CAST: variants seen among roughly 807,000 people sequenced by gnomAD.
The protein encoded by CAST is calpastatin.
Under a neutral mutation model 119.6 loss-of-function variants are expected in CAST, and 76 were observed. That is an observed-to-expected ratio of 0.64 (90% CI 0.53 to 0.77). The LOEUF is 0.77. CAST is among the 30% of genes least tolerant of loss of function. The probability of loss-of-function intolerance (pLI) is 0.00; values close to 1 mark genes in which losing one functional copy is unlikely to be tolerated. For missense variants in CAST, 953 were observed against 946.5 expected (o/e 1.01, Z -0.09); for synonymous variants, 319 against 331.6 (o/e 0.96, Z 0.41).
At chr5:96,298,493 A>T in the CAST span, among the ~76,000 whole-genome samples, 1 of 152,204 alleles carries the variant, frequency 6.6e-6, no homozygotes, top group African/African-American at 2.4e-5. Context: ...AAGTAATTGT[A>T]CTTATTTCTG....
chr5:96,606,059 G>A lies in CAST; in HGVS notation c.61-69480G>A, dbSNP rs1391944708. Among the ~76,000 whole-genome samples the A allele has an allele frequency of 2.0e-5, 3 of 152,172 alleles. No individual in the cohort carries two copies. In the East Asian group the frequency reaches 5.8e-4, roughly 29 times the overall value. ...CACTCCTTTGGGTCAATCTGAGAGA[G>A]TTGTGGGGTAATAGAATTTTCTTAA... On this transcript the variant is annotated intron_variant, in intron 1 of 11. Coordinates refer to the CAST transcript ENST00000505143.
chr5:96,750,745 T>A, intron 20 of CAST, 63 bp downstream of exon 20: 1 of 878,244 alleles, frequency 1.1e-6, no homozygotes, highest in Non-Finnish European at 1.9e-6. Context: ...CTCCTGTCAC[T>A]CTCTGCTGTG....
Position 96,531,216 on chromosome 5 carries a change from A to C in CAST, c.60+1336A>C, listed in dbSNP as rs572682487. Among the ~76,000 whole-genome samples the C allele has an allele frequency of 2.0e-5, 3 of 152,362 alleles. No individual in the cohort carries two copies. In the South Asian group the frequency reaches 6.2e-4, roughly 32 times the overall value. The stretch of plus-strand genomic sequence containing the variant: ...GCAGATGGAAGAGTGATTGAGTGTG[A>C]CAGAGGAGGCCACAGCTCACAGAAC... On this transcript the variant is annotated intron_variant, in intron 1 of 11. Transcript: ENST00000505143.
At chr5:96,348,885 A>C in the CAST span, among the ~76,000 whole-genome samples, 1 of 152,150 alleles carries the variant, frequency 6.6e-6, no homozygotes, top group Non-Finnish European at 1.5e-5. Context: ...CTGTAACGGA[A>C]GTGGTGTTCC....
At chr5:96,244,286 G>A in the CAST span, among the ~76,000 whole-genome samples, 1 of 152,186 alleles carries the variant, frequency 6.6e-6, no homozygotes, top group South Asian at 2.1e-4. Flanking sequence ...TTTCAGGAAA[G>A]CTCCAAACAT....
At chr5:96,305,781 C>G in the CAST span, among the ~76,000 whole-genome samples, 2 of 151,436 alleles carry the variant, frequency 1.3e-5, no homozygotes, top group African/African-American at 2.4e-5. Flanking sequence ...ATTGAGCCAG[C>G]CTTGCATCCC....
the CAST span, among the ~76,000 whole-genome samples, chr5:96,261,516 T>C: frequency 6.6e-6 from 1 of 152,196 alleles, no homozygotes; most frequent in South Asian, 2.1e-4. Flanking sequence ...AACATCAAGA[T>C]TGTTTGACCC....
the CAST span, chr5:96,408,291 C>T: frequency 6.2e-7 from 1 of 1,614,092 alleles, no homozygotes; most frequent in South Asian, 1.1e-5. Flanking sequence ...CTGTGTGCGT[C>T]TCCGTGCAGT....
the CAST span, among the ~76,000 whole-genome samples, chr5:96,021,698 G>A: frequency 2.6e-4 from 39 of 152,000 alleles, no homozygotes; most frequent in Admixed American, 1.5e-3. Context: ...CTCCCTCCTT[G>A]GCCTCCCAAA....
chr5:96,443,943 G>A, the CAST span, among the ~76,000 whole-genome samples: 1 of 152,152 alleles, frequency 6.6e-6, no homozygotes, highest in East Asian at 1.9e-4. Flanking sequence ...ATGTTGCTAG[G>A]GTATACTTGA....
chr5:96,665,743 TACACAC>T (rs745907302), intron 1 of CAST, among the ~76,000 whole-genome samples: 1 of 130,076 alleles, frequency 7.7e-6, no homozygotes, highest in Admixed American at 7.6e-5. Context: ...CACACACACA[TACACAC>T]ACACACACAC....
At chr5:95,978,854 A>G in the CAST span, among the ~76,000 whole-genome samples, 12 of 152,220 alleles carry the variant, frequency 7.9e-5, no homozygotes, top group Non-Finnish European at 1.8e-4. Flanking sequence ...GATGTAGCAC[A>G]GAAGAGTAAA....
chr5:96,401,285 GTAGAGTGTTAAGAAGTGGAGA>G, the CAST span, among the ~76,000 whole-genome samples: 3 of 152,236 alleles, frequency 2.0e-5, no homozygotes, highest in African/African-American at 7.2e-5. Flanking sequence ...TTGACAGGGG[GTAGAGTGTTAAGAAGTGGAGA>G]TAGAGAAGAA....
At chr5:96,469,033 T>A in the CAST span, among the ~76,000 whole-genome samples, 1 of 152,082 alleles carries the variant, frequency 6.6e-6, no homozygotes, top group Non-Finnish European at 1.5e-5. Context: ...AAAAACACAT[T>A]TAATGGTTAT....
At chr5:96,638,278 C>T (rs896343182) in intron 1 of CAST, among the ~76,000 whole-genome samples, 3 of 151,792 alleles carry the variant, frequency 2.0e-5, no homozygotes, top group Non-Finnish European at 4.4e-5. Context: ...TGGTGGTACA[C>T]GCCTGTAATC....
At chr5:96,412,403 G>C in the CAST span, 1 of 1,613,968 alleles carries the variant, frequency 6.2e-7, no homozygotes, top group Non-Finnish European at 8.5e-7. Context: ...GCCCCAGCTT[G>C]CACTGTAAAT....
intron 22 of CAST, 31 bp downstream of exon 22, chr5:96,754,772 T>C: frequency 8.2e-7 from 1 of 1,218,194 alleles, no homozygotes; most frequent in Non-Finnish European, 1.2e-6. Flanking sequence ...TTCTATTTTA[T>C]TTTAATTCAT....
chr5:96,476,561 T>C, the CAST span, among the ~76,000 whole-genome samples: 1 of 152,172 alleles, frequency 6.6e-6, no homozygotes, highest in Non-Finnish European at 1.5e-5. Context: ...TGTTCTTTGC[T>C]TTTACACCCA....
At chr5:96,201,778 T>A in the CAST span, among the ~76,000 whole-genome samples, 1 of 152,248 alleles carries the variant, frequency 6.6e-6, no homozygotes, top group Middle Eastern at 3.4e-3. Flanking sequence ...ACCCCTAATA[T>A]AAAGTGTCAC....
Sources: allele counts gnomAD v4.1 joint callset (sites outside exome capture counted in the v4.1 genomes callset), GRCh38; gene constraint gnomAD v4.1.1; transcripts MANE v1.5; gene names NCBI Gene and HGNC (gene_info 2026-07-23, HGNC 2026-07-21).